The following GRIA1 variants were observed in gnomAD, a reference collection of about 807,000 sequenced individuals.
The protein encoded by GRIA1 is glutamate receptor 1.
In GRIA1, 31 loss-of-function variants were observed where a neutral mutation model predicts 99.2. That is an observed-to-expected ratio of 0.31 (90% CI 0.23 to 0.42). The LOEUF (loss-of-function observed/expected upper bound fraction) is 0.42, where lower values mean the gene tolerates loss of function less well. Among genes scored for constraint, GRIA1 ranks in the 10% least tolerant of loss-of-function variants. GRIA1 has a pLI of 1.00. For missense variants in GRIA1, 782 were observed against 1,157.5 expected (o/e 0.68, Z 4.71); for synonymous variants, 438 against 432.4 (o/e 1.01, Z -0.16).
intron 2 of GRIA1, among the ~76,000 whole-genome samples, chr5:153,543,138 G>A (rs1759287962): frequency 6.6e-6 from 1 of 152,212 alleles, no homozygotes; most frequent in African/African-American, 2.4e-5. Context: ...GAGGGTTGGT[G>A]ATGGTGATGG....
intron 2 of GRIA1, among the ~76,000 whole-genome samples, chr5:153,523,888 C>T (rs1757378135): frequency 6.6e-6 from 1 of 152,170 alleles, no homozygotes; most frequent in Non-Finnish European, 1.5e-5. Flanking sequence ...TAGTTTTCTC[C>T]AAAAGCTGTA....
chr5:153,747,159 A>G (rs1199237153), intron 11 of GRIA1, among the ~76,000 whole-genome samples: 1 of 152,220 alleles, frequency 6.6e-6, no homozygotes, highest in African/African-American at 2.4e-5. Context: ...GGGCTATACA[A>G]GCATGGCACC....
chr5:153,801,647 C>T (rs1766032331), intron 14 of GRIA1, among the ~76,000 whole-genome samples: 1 of 152,112 alleles, frequency 6.6e-6, no homozygotes, highest in Non-Finnish European at 1.5e-5. Flanking sequence ...CAAGCACCTC[C>T]AACAGAAAAA....
chr5:153,600,000 A>G (rs544590857), intron 2 of GRIA1, among the ~76,000 whole-genome samples: 1 of 152,242 alleles, frequency 6.6e-6, no homozygotes, highest in South Asian at 2.1e-4. Context: ...AGCCCGCTAG[A>G]TAAGGTGGAC....
intron 2 of GRIA1, among the ~76,000 whole-genome samples, chr5:153,587,646 C>A (rs1471294137): frequency 6.6e-6 from 1 of 152,170 alleles, no homozygotes; most frequent in African/African-American, 2.4e-5. Context: ...CCTTTCCCTT[C>A]ATCTCCACAG....
chr5:153,764,201 G>A (rs1479670331), intron 11 of GRIA1, among the ~76,000 whole-genome samples: 3 of 152,084 alleles, frequency 2.0e-5, no homozygotes, highest in Non-Finnish European at 4.4e-5. Context: ...ACGTGCATGT[G>A]GGCTTTATCA....
intron 11 of GRIA1, among the ~76,000 whole-genome samples, chr5:153,756,261 T>TACAG (rs1309623856): frequency 1.3e-5 from 2 of 152,172 alleles, no homozygotes; most frequent in African/African-American, 2.4e-5. Flanking sequence ...CAGTCTCAGC[T>TACAG]TTCACCCCTC....
chr5:153,760,292 A>G (rs1763095432), intron 11 of GRIA1, among the ~76,000 whole-genome samples: 1 of 152,088 alleles, frequency 6.6e-6, no homozygotes, highest in Admixed American at 6.5e-5. Flanking sequence ...CTCTATAGAA[A>G]ACCCTAGAAA....
intron 11 of GRIA1, among the ~76,000 whole-genome samples, chr5:153,758,928 TA>T (rs1763000473): frequency 6.6e-6 from 1 of 151,790 alleles, no homozygotes; most frequent in Admixed American, 6.6e-5. Context: ...TAGCAATCAA[TA>T]ACAAGAGGAA....
chr5:153,571,661 A>G (rs1476103998), intron 2 of GRIA1, among the ~76,000 whole-genome samples: 1 of 152,198 alleles, frequency 6.6e-6, no homozygotes, highest in African/African-American at 2.4e-5. Flanking sequence ...CCGTAACTTC[A>G]TATTTATCCC....
At chr5:153,721,640 T>C (rs937526646) in intron 11 of GRIA1, among the ~76,000 whole-genome samples, 2 of 152,222 alleles carry the variant, frequency 1.3e-5, no homozygotes, top group Admixed American at 1.3e-4. Flanking sequence ...TGTGTCTGGC[T>C]CTTTTTGCCC....
chr5:153,634,786 T>A, intron 2 of GRIA1, among the ~76,000 whole-genome samples: 1 of 152,316 alleles, frequency 6.6e-6, no homozygotes, highest in East Asian at 1.9e-4. Flanking sequence ...ATTCAGCTTT[T>A]CTTCTGTGTC....
intron 11 of GRIA1, among the ~76,000 whole-genome samples, 184 bp from the exon 12 acceptor site, chr5:153,764,250 A>G (rs1763366881): frequency 6.6e-6 from 1 of 152,184 alleles, no homozygotes; most frequent in African/African-American, 2.4e-5. Context: ...CATGTCCGTA[A>G]TAAGGAACAA....
rs150134855 is a variant in GRIA1, at chr5:153,719,272, A to G, written c.1823+13205A>G. Among the ~76,000 whole-genome samples the G allele has an allele frequency of 8.2e-3, 1,253 of 152,202 alleles. 14 individuals carry two copies. Among genetic ancestry groups the G allele is most frequent in the African/African-American group, 0.028 (1,179 of 41,520 alleles). On this transcript the variant is annotated intron_variant, in intron 11 of 15. Transcript: ENST00000285900. Reference sequence around the variant, plus strand: ...ACTAGGTTTTCGTGTCAGAGCCTCTACCACTATTGCTGTATAACAAACCAC... The same window carrying G: ...ACTAGGTTTTCGTGTCAGAGCCTCTGCCACTATTGCTGTATAACAAACCAC...
At position 153,499,613 on chromosome 5, in the gene GRIA1, C is replaced by CAAAAAAAAA. The variant is rs70976100; in HGVS notation, c.220+5567_220+5575dup. Reference sequence around the variant, plus strand: ...CTGGCAACAGAGCGAGAATTTGTCTCAAAAAAAAAAAAAAAAAAAAAAAAA... The same window carrying CAAAAAAAAA: ...CTGGCAACAGAGCGAGAATTTGTCTCAAAAAAAAAAAAAAAAAAAAAAAAAAAAAAAAAA... On this transcript the variant is annotated intron_variant, in intron 2 of 15. Coordinates refer to ENST00000285900, the MANE Select transcript of GRIA1 (RefSeq NM_000827.4). Among the ~76,000 whole-genome samples, 46 of 42,112 alleles carry CAAAAAAAAA rather than the reference C, an allele frequency of 1.1e-3. 3 individuals are homozygous for CAAAAAAAAA. The highest frequency in any genetic ancestry group is 4.1e-3 in the African/African-American group (44 of 10,780). The allele number at this position is 42,112 out of a possible 152,430, so 27.6% of individuals were successfully genotyped here.
chr5:153,523,510 C>CT (rs1330261359), intron 2 of GRIA1, among the ~76,000 whole-genome samples: 1,467 of 68,948 alleles, frequency 0.021, 28 homozygotes, highest in African/African-American at 0.053. Flanking sequence ...CTGCTTTGAA[C>CT]ATTTTTTTTT....
chr5:153,715,642 G>C (rs940908289), intron 11 of GRIA1, among the ~76,000 whole-genome samples: 1 of 152,134 alleles, frequency 6.6e-6, no homozygotes, highest in Non-Finnish European at 1.5e-5. Flanking sequence ...CACTGTAAAT[G>C]CTGTTGTTAT....
At chr5:153,694,092 G>A (rs1189539587) in intron 8 of GRIA1, among the ~76,000 whole-genome samples, 1 of 152,174 alleles carries the variant, frequency 6.6e-6, no homozygotes, top group Non-Finnish European at 1.5e-5. Flanking sequence ...ACTAGCTTTT[G>A]ATATGAAAGT....
chr5:153,778,027 G>C (rs1764375888), intron 13 of GRIA1, among the ~76,000 whole-genome samples: 1 of 152,130 alleles, frequency 6.6e-6, no homozygotes, highest in South Asian at 2.1e-4. Context: ...GGAGAGGCTG[G>C]ATTTATTTGC....
Sources: gnomAD v4.1 joint callset for allele counts (sites outside exome capture counted in the v4.1 genomes callset) on GRCh38, gnomAD v4.1.1 for gene constraint, MANE v1.5 for transcripts, NCBI Gene and HGNC (gene_info 2026-07-23, HGNC 2026-07-21) for gene names.